The following RBFOX3 variants were observed in gnomAD, a reference collection of about 807,000 sequenced individuals.
RBFOX3 encodes RNA binding protein fox-1 homolog 3.
In RBFOX3, 17 loss-of-function variants were observed where a neutral mutation model predicts 48.7. That is an observed-to-expected ratio of 0.35 (90% CI 0.24 to 0.52). The LOEUF (loss-of-function observed/expected upper bound fraction) is 0.52. Ranked by LOEUF, RBFOX3 falls within the 20% of genes least tolerant of loss-of-function variation. The pLI, the probability that RBFOX3 is intolerant of heterozygous loss-of-function variation, is 0.94. For synonymous variants in RBFOX3, 212 were observed against 209.5 expected, an observed-to-expected ratio of 1.01 and a Z score of -0.10; for missense variants, 382 against 497.5, an observed-to-expected ratio of 0.77 and a Z score of 2.21.
At position 79,391,126 on chromosome 17, in the gene RBFOX3, G is replaced by A. The variant is rs2061337205; in HGVS notation, c.-174-83302C>T. On this transcript the variant is annotated intron_variant, in intron 2 of 14. Transcript: ENST00000693108. This position sits in a 1 kb window ranked among gnomAD's most constrained non-coding sequence, Gnocchi z 5.0. ...CTGCCAGCCAGGCTCCCTGATACCA[G>A]CCTCTCTTTTTCCAGACAGTCTGAT... is the stretch of plus-strand genomic sequence containing the variant. 6.6e-6 allele frequency among the ~76,000 whole-genome samples: 1 copy of A among 152,140 alleles called. No homozygotes were observed. Among genetic ancestry groups the A allele is most frequent in the Non-Finnish European group, 1.5e-5 (1 of 68,026 alleles).
chr17:79,435,810 C>A (rs191376786), intron 2 of RBFOX3, among the ~76,000 whole-genome samples: 30 of 152,342 alleles, frequency 2.0e-4, no homozygotes, highest in Admixed American at 1.4e-3. Flanking sequence ...CTTCCAGTCC[C>A]CGATGTCTCC....
intron 4 of RBFOX3, among the ~76,000 whole-genome samples, chr17:79,152,271 G>A (rs1415216964): frequency 2.0e-5 from 3 of 152,126 alleles, no homozygotes; most frequent in Non-Finnish European, 2.9e-5. Flanking sequence ...CCCCCGGGGC[G>A]AGACTTCGGG....
At chr17:79,337,179 G>A (rs995054783) in intron 2 of RBFOX3, among the ~76,000 whole-genome samples, 1 of 151,946 alleles carries the variant, frequency 6.6e-6, no homozygotes, top group Non-Finnish European at 1.5e-5. Flanking sequence ...CACGGGAAAG[G>A]ACCACGTCAT....
chr17:79,510,294 C>T (rs1157365783), intron 1 of RBFOX3, among the ~76,000 whole-genome samples: 5 of 152,218 alleles, frequency 3.3e-5, no homozygotes, highest in Admixed American at 2.0e-4. Flanking sequence ...AGCCCTGTCC[C>T]GCCAAGCCCC....
chr17:79,178,129 C>T (rs981983949), intron 4 of RBFOX3, among the ~76,000 whole-genome samples: 8 of 152,236 alleles, frequency 5.3e-5, no homozygotes, highest in Non-Finnish European at 1.2e-4. Flanking sequence ...GCTCCTTCCC[C>T]GCCGCCACGT....
chr17:79,592,692 G>A (rs1305515389), intron 1 of RBFOX3, among the ~76,000 whole-genome samples: 1 of 152,094 alleles, frequency 6.6e-6, no homozygotes. Flanking sequence ...AGGACACCAG[G>A]ACTCTCCCAG....
chr17:79,496,788 C>T (rs1260552059), intron 1 of RBFOX3, among the ~76,000 whole-genome samples: 5 of 152,124 alleles, frequency 3.3e-5, no homozygotes, highest in African/African-American at 7.2e-5. Flanking sequence ...GCCTCCCATG[C>T]GTTATCTTAG....
chr17:79,346,528 C>T (rs12149977), intron 2 of RBFOX3, among the ~76,000 whole-genome samples: 111,983 of 152,068 alleles, frequency 0.74, 41,624 homozygotes, highest in Non-Finnish European at 0.81. Flanking sequence ...CCCAGATATG[C>T]GATAGGAGAA....
At chr17:79,099,264 C>T (rs2075991876) in intron 9 of RBFOX3, 1 of 152,384 alleles carries the variant, frequency 6.6e-6, no homozygotes, top group South Asian at 2.1e-4. Context: ...GCTTGGGCCA[C>T]AGGTGCCTGC....
At position 79,159,917 on chromosome 17, in the gene RBFOX3, G is replaced by A. The variant is rs139106500; in HGVS notation, c.-33-44169C>T. ...CTTCAGCGAGGGTGCATGCGTGTCCGCCGAGTGTTCCAGCGTCCCGGGACA... is the reference window on the plus strand; with the variant it reads ...CTTCAGCGAGGGTGCATGCGTGTCCACCGAGTGTTCCAGCGTCCCGGGACA... On this transcript the variant is annotated intron_variant, in intron 4 of 14. Coordinates refer to ENST00000693108, the MANE Select transcript of RBFOX3 (RefSeq NM_001350451.2). Among the ~76,000 whole-genome samples, 1,145 of 152,284 alleles carry A rather than the reference G, an allele frequency of 7.5e-3. 11 individuals carry two copies. The highest frequency in any genetic ancestry group is 0.021 in the South Asian group (100 of 4,828).
chr17:79,146,765 G>A (rs2043125142), intron 4 of RBFOX3, among the ~76,000 whole-genome samples: 1 of 152,206 alleles, frequency 6.6e-6, no homozygotes, highest in South Asian at 2.1e-4. Context: ...TGCTGGTCAC[G>A]TGGGTCTGCT....
Position 79,208,885 on chromosome 17 carries a change from G to A in RBFOX3, c.-34+26881C>T, listed in dbSNP as rs1017768112. On this transcript the variant is annotated intron_variant, in intron 4 of 14. Coordinates refer to ENST00000693108, the MANE Select transcript of RBFOX3 (RefSeq NM_001350451.2). The stretch of plus-strand genomic sequence containing the variant: ...GGCTGGAGTGCAGTGATGTGATCTC[G>A]GCTCACTGCAAGCTCTGCCTCCCGG... Among the ~76,000 whole-genome samples the A allele has an allele frequency of 7.2e-5, 11 of 151,796 alleles. No homozygotes were observed. In the East Asian group the frequency reaches 2.1e-3, roughly 30 times the overall value.
intron 1 of RBFOX3, among the ~76,000 whole-genome samples, chr17:79,568,410 T>G (rs1010066631): frequency 8.5e-5 from 13 of 152,232 alleles, no homozygotes; most frequent in African/African-American, 3.1e-4. Flanking sequence ...TTTTGGTTCT[T>G]GGATTTTTAG....
intron 4 of RBFOX3, among the ~76,000 whole-genome samples, chr17:79,185,107 TTC>T (rs2053130003): frequency 6.7e-6 from 1 of 150,032 alleles, no homozygotes; most frequent in African/African-American, 2.5e-5. Context: ...GTTCATCTTC[TTC>T]GTAGAGGAGC....
chr17:79,646,714 A>G, the RBFOX3 span, among the ~76,000 whole-genome samples: 1 of 152,134 alleles, frequency 6.6e-6, no homozygotes, highest in African/African-American at 2.4e-5. Context: ...CCCATATCAC[A>G]AAGACCAAAC....
chr17:79,145,438 G>A (rs866221706), intron 4 of RBFOX3, among the ~76,000 whole-genome samples: 4 of 152,324 alleles, frequency 2.6e-5, no homozygotes, highest in Middle Eastern at 3.4e-3. Flanking sequence ...GGCCTGGGGC[G>A]AAGTCTGGCC....
At chr17:79,095,316 G>T (rs2074988611) in intron 13 of RBFOX3, among the ~76,000 whole-genome samples, 197 bp downstream of exon 13, 1 of 152,180 alleles carries the variant, frequency 6.6e-6, no homozygotes, top group African/African-American at 2.4e-5. Context: ...TCCCCATGGG[G>T]TAAGCAGGAA....
intron 1 of RBFOX3, among the ~76,000 whole-genome samples, chr17:79,602,660 CTT>C (rs2093731770): frequency 6.6e-6 from 1 of 151,504 alleles, no homozygotes; most frequent in South Asian, 2.1e-4. Flanking sequence ...AAAGCACACA[CTT>C]TGTTTTTTTT....
At chr17:79,625,858 C>T in the RBFOX3 span, among the ~76,000 whole-genome samples, 3 of 152,220 alleles carry the variant, frequency 2.0e-5, no homozygotes, top group East Asian at 1.9e-4. Flanking sequence ...CGCCCACACA[C>T]GTGCGCAGAC....
Sources: gnomAD v4.1 joint callset for allele counts (sites outside exome capture counted in the v4.1 genomes callset) on GRCh38, gnomAD v4.1.1 for gene constraint, Gnocchi (gnomAD v3.1) non-coding constraint, MANE v1.5 for transcripts, NCBI Gene and HGNC (gene_info 2026-07-23, HGNC 2026-07-21) for gene names.